LIG1: variants seen among roughly 807,000 people sequenced by gnomAD.
LIG1 encodes the protein ligase I, DNA, ATP-dependent.
In LIG1, 70 loss-of-function variants were observed where a neutral mutation model predicts 115.7. The ratio of observed to expected loss-of-function variants is 0.60; its 90% CI spans 0.50 to 0.74. LIG1 has a LOEUF of 0.74. LIG1 is among the 30% of genes least tolerant of loss of function. The probability of loss-of-function intolerance (pLI) is 0.00; values close to 1 mark genes in which losing one functional copy is unlikely to be tolerated. For missense variants in LIG1, 1,115 were observed against 1,225.6 expected, an observed-to-expected ratio of 0.91 and a Z score of 1.35; for synonymous variants, 487 against 495.3, an observed-to-expected ratio of 0.98 and a Z score of 0.22.
At chr19:48,165,295 C>A (rs1274442522) in intron 2 of LIG1, among the ~76,000 whole-genome samples, 1 of 152,100 alleles carries the variant, frequency 6.6e-6, no homozygotes, top group Non-Finnish European at 1.5e-5. Flanking sequence ...CAGATGTTCC[C>A]TGGGGAGCAA....
rs2034433362 is a variant in LIG1, at chr19:48,136,994, G to GC, written c.1331+13dup. On this transcript the variant is annotated intron_variant, in intron 14 of 27. Coordinates refer to ENST00000263274, the MANE Select transcript of LIG1 (RefSeq NM_000234.3). ...GCAGTCCCCCTCTGTAGCCTCACAGGCCCACACGCTTACCTAGCGATGAAC... is the reference window on the plus strand; with the variant it reads ...GCAGTCCCCCTCTGTAGCCTCACAGGCCCCACACGCTTACCTAGCGATGAAC... 6.2e-7 allele frequency: 1 copy of GC among 1,605,226 alleles called. No homozygotes were observed. The highest frequency in any genetic ancestry group is 8.5e-7 in the Non-Finnish European group (1 of 1,174,834).
At chr19:48,163,150 T>C (rs925277079) in intron 2 of LIG1, among the ~76,000 whole-genome samples, 6 of 151,752 alleles carry the variant, frequency 4.0e-5, no homozygotes, top group Admixed American at 6.6e-5. Context: ...ACTCCTGACC[T>C]TAGGTGATCC....
intron 15 of LIG1, 59 bp downstream of exon 15, chr19:48,135,974 GA>G (rs2034359522): frequency 7.2e-7 from 1 of 1,395,522 alleles, no homozygotes; most frequent in Non-Finnish European, 9.8e-7. Context: ...CTCTGAAGAG[GA>G]GGGGGGAAGC....
At chr19:48,117,139 A>ATTCTTTTATTTAAGAAAAGAATT (rs1417838560) in intron 26 of LIG1, among the ~76,000 whole-genome samples, 1 of 144,460 alleles carries the variant, frequency 6.9e-6, no homozygotes, top group Non-Finnish European at 1.5e-5. Context: ...TGCCCTGGGA[A>ATTCTTTTATTTAAGAAAAGAATT]TTCTTTTATT....
intron 8 of LIG1, 44 bp from the exon 9 acceptor site, chr19:48,149,885 T>TAGC: frequency 1.3e-6 from 2 of 1,587,744 alleles, no homozygotes; most frequent in Non-Finnish European, 1.7e-6. Context: ...CTCCTTCCGG[T>TAGC]AGCCCCCACC....
intron 4 of LIG1, among the ~76,000 whole-genome samples, chr19:48,158,769 A>T (rs2036001784): frequency 6.6e-6 from 1 of 152,188 alleles, no homozygotes; most frequent in African/African-American, 2.4e-5. Flanking sequence ...AGACCCTGGC[A>T]TCTCCCACCC....
intron 2 of LIG1, among the ~76,000 whole-genome samples, chr19:48,162,682 C>G (rs891098727): frequency 1.1e-4 from 17 of 152,112 alleles, no homozygotes; most frequent in African/African-American, 3.6e-4. Context: ...ATCTGCTTGG[C>G]CTCCCAATGT....
intron 9 of LIG1, among the ~76,000 whole-genome samples, chr19:48,145,310 G>A (rs1172233693): frequency 6.6e-6 from 1 of 152,208 alleles, no homozygotes; most frequent in Non-Finnish European, 1.5e-5. Context: ...TGAGGAAGCA[G>A]CTTCCCCTCT....
At chr19:48,131,312 C>A in intron 18 of LIG1, 141 bp from the exon 19 acceptor site, 1 of 670,262 alleles carries the variant, frequency 1.5e-6, no homozygotes, top group African/African-American at 1.8e-5. Flanking sequence ...AGCGAATCAT[C>A]TCCTCAGTTC....
rs545720935 is a variant in LIG1, at chr19:48,148,708, C to G, written c.776+1055G>C. Among the ~76,000 whole-genome samples, 65 of 152,260 alleles carry G rather than the reference C, an allele frequency of 4.3e-4. 1 individual carries two copies. Among genetic ancestry groups the G allele is most frequent in the African/African-American group, 1.4e-3 (60 of 41,542 alleles). ...TTACTTTATAGGATATTTATCCACC[C>G]ACGCATCCAATCATCCATTCAGCCA... On this transcript the variant is annotated intron_variant, in intron 9 of 27. Transcript: ENST00000263274.
intron 1 of LIG1, among the ~76,000 whole-genome samples, chr19:48,166,403 A>G (rs1268647249): frequency 1.3e-5 from 2 of 152,218 alleles, no homozygotes; most frequent in Non-Finnish European, 2.9e-5. Flanking sequence ...TCAAAAAACA[A>G]AAACAAAAGA....
intron 9 of LIG1, among the ~76,000 whole-genome samples, chr19:48,147,037 G>A (rs1009241732): frequency 6.6e-6 from 1 of 152,158 alleles, no homozygotes; most frequent in African/African-American, 2.4e-5. Flanking sequence ...GTCTCAATTG[G>A]GGGTACAAAA....
chr19:48,168,805 T>C (rs2036608408), intron 1 of LIG1, among the ~76,000 whole-genome samples: 1 of 152,214 alleles, frequency 6.6e-6, no homozygotes, highest in African/African-American at 2.4e-5. Flanking sequence ...ACTCAGCGCA[T>C]ACACTGAAAA....
At chr19:48,138,312 G>C (rs530634678) in intron 12 of LIG1, among the ~76,000 whole-genome samples, 29 of 152,292 alleles carry the variant, frequency 1.9e-4, no homozygotes, top group African/African-American at 7.0e-4. Flanking sequence ...TTTCTGGTCT[G>C]AAATAAAATG....
intron 2 of LIG1, among the ~76,000 whole-genome samples, chr19:48,163,085 T>A (rs1366666528): frequency 6.6e-6 from 1 of 151,168 alleles, no homozygotes; most frequent in East Asian, 2.0e-4. Flanking sequence ...CAGCTAATTT[T>A]TTTTGTATTT....
chr19:48,164,036 A>G (rs1218856315), intron 2 of LIG1, among the ~76,000 whole-genome samples: 1 of 152,030 alleles, frequency 6.6e-6, no homozygotes, highest in Non-Finnish European at 1.5e-5. Flanking sequence ...TTCAGTTAAG[A>G]GTAATGTACT....
rs1413704454 is a variant in LIG1 at position 48,170,289 on chromosome 19, C to A, written c.-106G>T. 1 of 454,094 alleles carries A rather than the reference C, an allele frequency of 2.2e-6. No individual in the cohort carries two copies. The highest frequency in any genetic ancestry group is 4.4e-6 in the Non-Finnish European group (1 of 225,858). The allele number at this position is 454,094 out of a possible 1,614,324, so 28.1% of individuals were successfully genotyped here. A position where few individuals can be genotyped will look rare whatever the true frequency, so the allele number is the denominator to read the frequency against. ...TGCCCGGGCAACACACTCAGATCCG[C>A]CAGGCGCGCCTCTGCAGTCCCAAGT... is the stretch of plus-strand genomic sequence containing the variant. On this transcript the variant is annotated 5_prime_UTR_variant, in exon 1 of 28. Coordinates refer to ENST00000263274, the MANE Select transcript of LIG1 (RefSeq NM_000234.3).
intron 11 of LIG1, 27 bp downstream of exon 11, chr19:48,143,516 C>T: frequency 5.2e-6 from 3 of 572,638 alleles, no homozygotes; most frequent in East Asian, 4.5e-5. Context: ...GACCCCGCCC[C>T]CCACCCAGGC....
chr19:48,153,957 C>G lies in LIG1; in HGVS notation c.381G>C (p.Gln127His). 2 of 1,613,850 alleles carry G rather than the reference C, an allele frequency of 1.2e-6. No homozygotes were observed. The highest frequency in any genetic ancestry group is 1.1e-5 in the South Asian group (1 of 91,074). Residue 127 changes from glutamine (Q) to histidine (H), a missense_variant, in exon 6 of 28, where the codon CAG becomes CAC. Transcript: ENST00000263274. ...CTTCCTGAATGGTCCGTTTCGGGAG[C>G]TGCTTCCGAGCTGGGGAGGCAAAGG... is the stretch of plus-strand genomic sequence containing the variant. ...GIPKRRTARK[Q>H]LPKRTIQEVL...
Sources: gnomAD v4.1 joint callset for allele counts (sites outside exome capture counted in the v4.1 genomes callset) on GRCh38, gnomAD v4.1.1 for gene constraint, MANE v1.5 for transcripts, NCBI Gene and HGNC (gene_info 2026-07-23, HGNC 2026-07-21) for gene names.